SLIT3: variants seen among roughly 807,000 people sequenced by gnomAD.
SLIT3 encodes the protein slit guidance ligand 3.
Under a neutral mutation model 184.0 loss-of-function variants are expected in SLIT3, and 68 were observed. The observed-to-expected ratio is 0.37, with a 90% CI of 0.30 to 0.45. SLIT3 has a LOEUF of 0.45. SLIT3 is among the 20% of genes least tolerant of loss of function. SLIT3 has a pLI of 1.00. For synonymous variants in SLIT3, 831 were observed against 828.6 expected (o/e 1.00, Z -0.05); for missense variants, 1,707 against 2,026.0 (o/e 0.84, Z 3.02).
chr5:168,771,840 G>A (rs938524346), intron 14 of SLIT3, among the ~76,000 whole-genome samples: 2 of 152,132 alleles, frequency 1.3e-5, no homozygotes, highest in African/African-American at 2.4e-5. Flanking sequence ...CATTCTCCCC[G>A]GGAAGACTCG....
chr5:169,207,857 G>T (rs1352330758), intron 3 of SLIT3, among the ~76,000 whole-genome samples: 2 of 152,148 alleles, frequency 1.3e-5, no homozygotes, highest in Non-Finnish European at 2.9e-5. Context: ...TCCACAATGT[G>T]AGCACATAAG....
At position 169,300,976 on chromosome 5, in the gene SLIT3, C is replaced by G. The variant is rs1444561223; in HGVS notation, c.-267G>C. The G allele has an allele frequency of 5.8e-6, 1 of 172,776 alleles. No individual in the cohort carries two copies. The highest frequency in any genetic ancestry group is 1.2e-5 in the Non-Finnish European group (1 of 82,340). 10.7% of individuals were successfully genotyped at this position (172,776 alleles called of 1,614,324 possible). On this transcript the variant is annotated 5_prime_UTR_variant, in exon 1 of 36. Coordinates refer to ENST00000519560, the MANE Select transcript of SLIT3 (RefSeq NM_003062.4). This position sits in a 1 kb window ranked among gnomAD's most constrained non-coding sequence, Gnocchi z 4.1. The stretch of plus-strand genomic sequence containing the variant: ...GGAGTGCCCAGGTGCGGAGCGCCCC[C>G]TGGCCCCGCTGGCCCGCGGGCCGGG...
At chr5:168,709,101 G>GTTTTTTTT in intron 25 of SLIT3, among the ~76,000 whole-genome samples, 1 of 126,988 alleles carries the variant, frequency 7.9e-6, no homozygotes, top group East Asian at 2.1e-4. Flanking sequence ...TTTTCTGTTT[G>GTTTTTTTT]TTTTTTTTTT....
intron 4 of SLIT3, among the ~76,000 whole-genome samples, chr5:169,079,674 G>A (rs1288020184): frequency 4.2e-5 from 4 of 96,278 alleles, no homozygotes; most frequent in South Asian, 5.3e-4. Flanking sequence ...GAGGGAAGAG[G>A]AGGAGGAGGG....
At chr5:168,937,714 C>T (rs914804315) in intron 4 of SLIT3, among the ~76,000 whole-genome samples, 4 of 152,062 alleles carry the variant, frequency 2.6e-5, no homozygotes, top group Admixed American at 6.6e-5. Flanking sequence ...TGCATGACTT[C>T]GGGTGAGCCA....
intron 1 of SLIT3, among the ~76,000 whole-genome samples, chr5:169,298,017 T>C (rs1767564622): frequency 6.6e-6 from 1 of 152,170 alleles, no homozygotes; most frequent in Non-Finnish European, 1.5e-5. Flanking sequence ...AATTGAAATG[T>C]TACATTTGAG....
At chr5:169,033,012 T>C (rs972723318) in intron 4 of SLIT3, among the ~76,000 whole-genome samples, 8 of 149,416 alleles carry the variant, frequency 5.4e-5, no homozygotes, top group African/African-American at 2.0e-4. Flanking sequence ...CACAGTTTTC[T>C]TACCCATAGT....
chr5:169,044,312 A>ATAC, intron 4 of SLIT3, among the ~76,000 whole-genome samples: 1 of 152,326 alleles, frequency 6.6e-6, no homozygotes, highest in Non-Finnish European at 1.5e-5. Flanking sequence ...AACTGAAAAC[A>ATAC]TACATGCACA....
intron 5 of SLIT3, 91 bp from the exon 6 acceptor site, chr5:168,844,746 C>G (rs1758397209): frequency 8.7e-7 from 1 of 1,147,732 alleles, no homozygotes; most frequent in Non-Finnish European, 1.3e-6. Context: ...TCCCTCCACC[C>G]CCTTGCAGGC....
chr5:168,711,189 A>C, intron 24 of SLIT3, 131 bp from the exon 25 acceptor site: 1 of 750,688 alleles, frequency 1.3e-6, no homozygotes, highest in South Asian at 2.4e-5. Context: ...CCAGCGGAGT[A>C]GTCGTCTCCA....
intron 4 of SLIT3, among the ~76,000 whole-genome samples, chr5:169,032,032 T>C (rs1057140388): frequency 3.3e-5 from 5 of 152,318 alleles, no homozygotes; most frequent in African/African-American, 4.8e-5. Flanking sequence ...TGCACCTCCA[T>C]GTCCTGGATG....
intron 20 of SLIT3, among the ~76,000 whole-genome samples, chr5:168,728,814 A>G (rs1338567846): frequency 6.6e-6 from 1 of 151,772 alleles, no homozygotes; most frequent in Non-Finnish European, 1.5e-5. Context: ...GCTACTAGGG[A>G]GGCAGAGGTG....
chr5:168,956,674 G>A (rs1218917624), intron 4 of SLIT3, among the ~76,000 whole-genome samples: 6 of 150,288 alleles, frequency 4.0e-5, no homozygotes, highest in African/African-American at 1.5e-4. Flanking sequence ...GGCGCCTGTA[G>A]TCCAGCTGCT....
At chr5:169,070,484 C>G (rs1344568440) in intron 4 of SLIT3, among the ~76,000 whole-genome samples, 1 of 152,188 alleles carries the variant, frequency 6.6e-6, no homozygotes, top group Non-Finnish European at 1.5e-5. Context: ...AGCTAAAACT[C>G]TCACCAGGGA....
chr5:169,177,676 G>T (rs978970919), intron 4 of SLIT3, among the ~76,000 whole-genome samples: 1 of 152,126 alleles, frequency 6.6e-6, no homozygotes, highest in South Asian at 2.1e-4. Context: ...TAACTATCTG[G>T]GATGGAAAAG....
intron 5 of SLIT3, among the ~76,000 whole-genome samples, chr5:168,878,062 G>C (rs755949795): frequency 1.3e-5 from 2 of 152,114 alleles, no homozygotes; most frequent in Non-Finnish European, 2.9e-5. Context: ...GCATACAGTA[G>C]GCATTTCATA....
chr5:169,253,842 G>A (rs1243757445), intron 1 of SLIT3, among the ~76,000 whole-genome samples: 1 of 152,170 alleles, frequency 6.6e-6, no homozygotes, highest in African/African-American at 2.4e-5. Flanking sequence ...CATCTATTTT[G>A]TGGCTGACAA....
At chr5:168,958,915 C>T (rs2113274713) in intron 4 of SLIT3, among the ~76,000 whole-genome samples, 1 of 152,344 alleles carries the variant, frequency 6.6e-6, no homozygotes, top group Middle Eastern at 3.4e-3. Flanking sequence ...GGTATGGTAC[C>T]CCTTTTACTT....
At chr5:169,229,049 C>T (rs1764902288) in intron 3 of SLIT3, among the ~76,000 whole-genome samples, 1 of 152,124 alleles carries the variant, frequency 6.6e-6, no homozygotes, top group Admixed American at 6.6e-5. Context: ...ACCTCCACAT[C>T]TTGGAGAAGC....
Sources: allele counts gnomAD v4.1 joint callset (sites outside exome capture counted in the v4.1 genomes callset), GRCh38; gene constraint gnomAD v4.1.1; non-coding constraint Gnocchi (gnomAD v3.1); transcripts MANE v1.5; gene names NCBI Gene and HGNC (gene_info 2026-07-23, HGNC 2026-07-21).